The following MSH3 variants were observed in gnomAD, a reference collection of about 807,000 sequenced individuals.
The protein encoded by MSH3 is mutS homolog 3, also known as DNA mismatch repair protein Msh3.
A neutral mutation model predicts 123.3 loss-of-function variants in MSH3; 106 were observed. The ratio of observed to expected loss-of-function variants is 0.86; its 90% CI spans 0.73 to 1.01. The LOEUF is 1.01. MSH3 is among the 50% of genes least tolerant of loss of function. MSH3 has a pLI of 0.00. For missense variants in MSH3, 1,459 were observed against 1,347.6 expected, an observed-to-expected ratio of 1.08 and a Z score of -1.29; for synonymous variants, 515 against 481.4, an observed-to-expected ratio of 1.07 and a Z score of -0.91.
chr5:80,849,831 A>G (rs1745797870), intron 20 of MSH3, among the ~76,000 whole-genome samples: 1 of 152,122 alleles, frequency 6.6e-6, no homozygotes, highest in Admixed American at 6.6e-5. Context: ...ATTAACATTC[A>G]GCTCCTCGTT....
intron 9 of MSH3, among the ~76,000 whole-genome samples, chr5:80,728,197 A>G (rs1382688744): frequency 1.3e-5 from 2 of 152,210 alleles, no homozygotes; most frequent in Admixed American, 1.3e-4. Flanking sequence ...TCTGATATAC[A>G]TTTTAAAAAG....
At chr5:80,871,614 C>T (rs1746216604) in intron 22 of MSH3, among the ~76,000 whole-genome samples, 1 of 152,176 alleles carries the variant, frequency 6.6e-6, no homozygotes, top group East Asian at 1.9e-4. Context: ...TGGGAGACAT[C>T]AGTTTCTTTC....
chr5:80,701,413 C>T (rs1435689197), intron 8 of MSH3, among the ~76,000 whole-genome samples: 1 of 152,178 alleles, frequency 6.6e-6, no homozygotes, highest in East Asian at 1.9e-4. Flanking sequence ...TAGTAAGTGG[C>T]AAAGCCCACT....
At chr5:80,674,623 G>C (rs1380082153) in intron 6 of MSH3, among the ~76,000 whole-genome samples, 2 of 152,302 alleles carry the variant, frequency 1.3e-5, no homozygotes, top group Non-Finnish European at 1.5e-5. Context: ...TCTTAGGAAA[G>C]ATAAGGCATG....
At chr5:80,695,087 G>GTTTTTTTTTTTTTTTTTTTTTT (rs57947652) in intron 8 of MSH3, among the ~76,000 whole-genome samples, 1 of 115,312 alleles carries the variant, frequency 8.7e-6, no homozygotes, top group Non-Finnish European at 1.9e-5. Flanking sequence ...TTTTTTTGTT[G>GTTTTTTTTTTTTTTTTTTTTTT]TTTTTTTTTT....
At chr5:80,802,665 T>C (rs1744811138) in intron 19 of MSH3, among the ~76,000 whole-genome samples, 1 of 152,190 alleles carries the variant, frequency 6.6e-6, no homozygotes, top group Non-Finnish European at 1.5e-5. Context: ...TACTAGATCT[T>C]ATTCATTGTA....
At chr5:80,686,067 C>CA (rs1750080998) in intron 8 of MSH3, among the ~76,000 whole-genome samples, 1 of 152,132 alleles carries the variant, frequency 6.6e-6, no homozygotes, top group African/African-American at 2.4e-5. Flanking sequence ...TGTGACCTAA[C>CA]ATATGATCTA....
intron 7 of MSH3, among the ~76,000 whole-genome samples, chr5:80,678,170 TC>T (rs1193132433): frequency 6.6e-6 from 1 of 152,232 alleles, no homozygotes; most frequent in African/African-American, 2.4e-5. Flanking sequence ...TTCATAAGCA[TC>T]CGTAGTGGCT....
chr5:80,778,396 A>G (rs569995596), intron 16 of MSH3, among the ~76,000 whole-genome samples: 2 of 152,296 alleles, frequency 1.3e-5, no homozygotes, highest in Admixed American at 1.3e-4. Flanking sequence ...CTTTTACCAT[A>G]TATGCTTCTG....
In MSH3 at chr5:80,854,012, T is replaced by C. The variant is rs41540516; in HGVS notation, c.2814-118T>C. The stretch of plus-strand genomic sequence containing the variant: ...TTGTTTAATTTAATTTGAGCTATTA[T>C]TGGCTCAAAATATATAGATTCTTAG... On this transcript the variant is annotated intron_variant, in intron 20 of 23. Transcript: ENST00000265081. The C allele has an allele frequency of 4.5e-5, 38 of 839,656 alleles. No individual in the cohort carries two copies. In the Admixed American group the frequency reaches 6.6e-4, roughly 14 times the overall value. The allele number at this position is 839,656 out of a possible 1,614,324, so 52.0% of individuals were successfully genotyped here.
chr5:80,783,888 G>C (rs1744451769), intron 17 of MSH3, among the ~76,000 whole-genome samples: 1 of 152,170 alleles, frequency 6.6e-6, no homozygotes, highest in African/African-American at 2.4e-5. Flanking sequence ...ACGCCACAGT[G>C]CAAGAGGGCA....
At chr5:80,741,430 A>G (rs1318569823) in intron 10 of MSH3, 34 bp from the exon 11 acceptor site, 1 of 1,351,224 alleles carries the variant, frequency 7.4e-7, no homozygotes, top group Non-Finnish European at 1.1e-6. Context: ...TTATGCACTT[A>G]CATCTAGGCT....
chr5:80,656,609 A>G (rs1749296732), intron 2 of MSH3, 78 bp downstream of exon 2: 3 of 1,582,628 alleles, frequency 1.9e-6, no homozygotes, highest in Non-Finnish European at 2.6e-6. Flanking sequence ...AGAAGAGCGT[A>G]TTAGAATTGT....
At chr5:80,690,165 C>T (rs1334438167) in intron 8 of MSH3, among the ~76,000 whole-genome samples, 1 of 152,142 alleles carries the variant, frequency 6.6e-6, no homozygotes, top group Non-Finnish European at 1.5e-5. Context: ...GTGATGCTCT[C>T]ACCTCAGCCT....
intron 20 of MSH3, among the ~76,000 whole-genome samples, chr5:80,815,934 C>T (rs1745095920): frequency 6.6e-6 from 1 of 152,168 alleles, no homozygotes; most frequent in African/African-American, 2.4e-5. Context: ...GATATATTTA[C>T]AATATTAGTG....
chr5:80,851,904 G>C (rs1441192445), intron 20 of MSH3, among the ~76,000 whole-genome samples: 1 of 152,088 alleles, frequency 6.6e-6, no homozygotes, highest in South Asian at 2.1e-4. Flanking sequence ...ATAAATATGT[G>C]TGTGTATCTG....
chr5:80,831,189 A>T (rs1745410957), intron 20 of MSH3, among the ~76,000 whole-genome samples: 1 of 152,220 alleles, frequency 6.6e-6, no homozygotes, highest in Non-Finnish European at 1.5e-5. Flanking sequence ...TTGCTAGAAG[A>T]AGGCTAGTTA....
intron 1 of MSH3, chr5:80,655,356 G>A (rs1318465624): frequency 4.2e-6 from 1 of 237,262 alleles, no homozygotes; most frequent in African/African-American, 2.2e-5. Flanking sequence ...GTGACTAGAA[G>A]AAAGCTGCCC....
chr5:80,808,858 C>CATATGTATATATATATATATAT (rs1744948576), intron 19 of MSH3, among the ~76,000 whole-genome samples: 1 of 66,158 alleles, frequency 1.5e-5, no homozygotes, highest in Non-Finnish European at 3.1e-5. Context: ...ATATCTTCTT[C>CATATGTATATATATATATATAT]ATATATATAT....
Sources: gnomAD v4.1 joint callset for allele counts (sites outside exome capture counted in the v4.1 genomes callset) on GRCh38, gnomAD v4.1.1 for gene constraint, MANE v1.5 for transcripts, NCBI Gene and HGNC (gene_info 2026-07-23, HGNC 2026-07-21) for gene names.